MED25: variants seen among roughly 807,000 people sequenced by gnomAD.
MED25 encodes the protein mediator of RNA polymerase II transcription subunit 25.
MED25 carries 62 observed loss-of-function variants against 89.4 expected under a neutral mutation model. The ratio of observed to expected loss-of-function variants is 0.69; its 90% CI spans 0.57 to 0.86. The LOEUF is 0.86. MED25 is among the 40% of genes least tolerant of loss of function. The pLI, the probability that MED25 is intolerant of heterozygous loss-of-function variation, is 0.00. For missense variants in MED25, 905 were observed against 1,005.2 expected, an observed-to-expected ratio of 0.90 and a Z score of 1.35; for synonymous variants, 449 against 427.9, an observed-to-expected ratio of 1.05 and a Z score of -0.61.
chr19:49,819,020 G>A (rs2073962044), intron 2 of MED25, 152 bp from the exon 3 acceptor site: 20 of 977,058 alleles, frequency 2.0e-5, no homozygotes, highest in Non-Finnish European at 1.4e-5. Context: ...TGAGGGAGAA[G>A]GGGCTGGGGC....
intron 3 of MED25, among the ~76,000 whole-genome samples, chr19:49,824,539 T>C (rs973138538): frequency 6.0e-5 from 9 of 149,788 alleles, no homozygotes; most frequent in Non-Finnish European, 5.9e-5. Flanking sequence ...GAGCCGAGAT[T>C]GTGCCACCGC....
At chr19:49,819,132 T>C in intron 2 of MED25, 40 bp from the exon 3 acceptor site, 1 of 1,613,314 alleles carries the variant, frequency 6.2e-7, no homozygotes, top group Non-Finnish European at 8.5e-7. Flanking sequence ...AAAAGGGAAT[T>C]GAGGTCCCAG....
rs545524810 is a variant in MED25 at position 49,818,370 on chromosome 19, G to T, written c.29G>T (p.Arg10Leu). The T allele has an allele frequency of 7.5e-6, 12 of 1,608,478 alleles. No individual in the cohort carries two copies. The highest frequency in any genetic ancestry group is 1.7e-4 in the Middle Eastern group (1 of 6,020). ...GTCCCCGGGTCCGAGGGCCCGGCCC[G>T]CGCCGGGAGCGTGGTGGCCGACGTG... Reference protein sequence around the residue: MVPGSEGPARAGSVVADVVF... With the variant: MVPGSEGPALAGSVVADVVF... Residue 10 changes from arginine to leucine, a missense_variant, in exon 1 of 18, where the codon CGC (arginine) becomes CTC (leucine). By Grantham distance (102) the Arg-to-Leu change is moderately radical. Around this residue, in one of 3 missense-constraint regions of MED25, gnomAD observed 501 missense variants for 526.9 expected, o/e 0.95. Transcript: ENST00000312865.
chr19:49,831,416 C>A lies in MED25; in HGVS notation c.1185C>A (p.Val395=). Residue 395 remains valine (V), a synonymous_variant, in exon 10 of 18, where the codon GTC becomes GTA. Transcript: ENST00000312865. This position sits in a 1 kb window ranked among gnomAD's most constrained non-coding sequence, Gnocchi z 5.0. ...CAGCCCTCGGTGGGCAGCAGTCAGT[C>A]TCCAATAAGCTTCTGGCCTGGAGCG... ...GAPALGGQQS[V]SNKLLAWSGV... 6.2e-7 allele frequency: 1 copy of A among 1,611,956 alleles called. No homozygotes were observed. The highest frequency in any genetic ancestry group is 8.5e-7 in the Non-Finnish European group (1 of 1,179,214).
chr19:49,840,031 GT>G, downstream of MED25: 1 of 152,360 alleles, frequency 6.6e-6, no homozygotes, highest in East Asian at 1.9e-4. Flanking sequence ...GAATATCTGT[GT>G]TTGGGAGTAC....
downstream of MED25, chr19:49,837,072 C>A: frequency 1.2e-6 from 1 of 801,136 alleles, no homozygotes; most frequent in Non-Finnish European, 2.1e-6. Context: ...AGCAGACATC[C>A]CTGGGGCCCT....
At position 49,821,808 on chromosome 19, in the gene MED25, T is replaced by C. The variant is rs1174357326; in HGVS notation, c.305+2512T>C. On this transcript the variant is annotated intron_variant, in intron 3 of 17. Transcript: ENST00000312865. Reference sequence around the variant, plus strand: ...TCCAGCCTGGGCAACAAGAGTGAAATTCTGTCTCAAAAAAAAAAAAAAAAA... The same window carrying C: ...TCCAGCCTGGGCAACAAGAGTGAAACTCTGTCTCAAAAAAAAAAAAAAAAA... Among the ~76,000 whole-genome samples, 714 of 135,474 alleles carry C rather than the reference T, an allele frequency of 5.3e-3. 6 individuals carry two copies. Among genetic ancestry groups the C allele is most frequent in the African/African-American group, 0.019 (656 of 34,950 alleles). The allele number at this position is 135,474 out of a possible 152,430, so 88.9% of individuals were successfully genotyped here.
intron 3 of MED25, among the ~76,000 whole-genome samples, chr19:49,826,185 A>T (rs776737314): frequency 1.3e-5 from 2 of 151,886 alleles, no homozygotes; most frequent in African/African-American, 4.8e-5. Flanking sequence ...CTTAAAAATT[A>T]AAAAAATTAG....
intron 3 of MED25, among the ~76,000 whole-genome samples, chr19:49,826,031 G>T (rs2074013000): frequency 6.6e-6 from 1 of 152,032 alleles, no homozygotes; most frequent in Non-Finnish European, 1.5e-5. Context: ...GCACACAGTT[G>T]AAGTTTCTGC....
At chr19:49,818,968 G>T in intron 2 of MED25, 1 of 653,558 alleles carries the variant, frequency 1.5e-6, no homozygotes, top group Non-Finnish European at 2.7e-6. Context: ...CTGGGCTCCT[G>T]GGTCTGAGGG....
chr19:49,818,672 G>T (rs564119274), intron 2 of MED25, 56 bp downstream of exon 2: 1 of 1,526,564 alleles, frequency 6.6e-7, no homozygotes, highest in African/African-American at 1.4e-5. Flanking sequence ...CTGGACTCCT[G>T]GGTCTGAGGG....
Position 49,830,209 on chromosome 19 carries a change from G to T in MED25, c.810G>T (p.Pro270=), listed in dbSNP as rs369512125. 6.2e-7 allele frequency: 1 copy of T among 1,605,102 alleles called. No individual in the cohort carries two copies. The highest frequency in any genetic ancestry group is 8.5e-7 in the Non-Finnish European group (1 of 1,175,068). Residue 270 remains proline, a synonymous_variant, in exon 7 of 18, where the codon CCG becomes CCT. Transcript: ENST00000312865. The surrounding 1 kb of genome is among the most constrained non-coding windows in gnomAD (Gnocchi z 4.6). ...APQQPLPPVP[P]QYQVPGNLSA... is the part of the protein sequence containing the mutation. ...AGCAGCCTCTGCCCCCCGTCCCCCC[G>T]CAGTACCAGGTATGGATATTTCCGG...
At chr19:49,837,183 G>A (rs1376024019), downstream of MED25, among the ~76,000 whole-genome samples, 1 of 152,224 alleles carries the variant, frequency 6.6e-6, no homozygotes, top group Admixed American at 6.5e-5. Flanking sequence ...CAGGACTCAA[G>A]CTCTCATGGA....
intron 3 of MED25, among the ~76,000 whole-genome samples, chr19:49,822,640 C>CTTTTTTTTTTTTT (rs536060694): frequency 2.9e-5 from 2 of 68,244 alleles, no homozygotes; most frequent in Non-Finnish European, 5.0e-5. Context: ...CTGTTACATT[C>CTTTTTTTTTTTTT]TTTTTTTTTT....
chr19:49,829,101 C>T lies in MED25; in HGVS notation c.525+11C>T, dbSNP rs372375681. 30 of 1,612,264 alleles carry T rather than the reference C, an allele frequency of 1.9e-5. No homozygotes were observed. Among genetic ancestry groups the T allele is most frequent in the Middle Eastern group, 1.6e-4 (1 of 6,078 alleles). ...CAGCAGATTGGGGAGGTGAGGACTC[C>T]AGGGTCTGAGGGACGAGGGTCTGGG... On this transcript the variant is annotated intron_variant, in intron 5 of 17. Transcript: ENST00000312865. The surrounding 1 kb of genome is among the most constrained non-coding windows in gnomAD (Gnocchi z 4.6).
At chr19:49,840,065 T>G (rs887003632), downstream of MED25, 1 of 152,204 alleles carries the variant, frequency 6.6e-6, no homozygotes, top group African/African-American at 2.4e-5. Context: ...ACAGCTGTTT[T>G]CCGTTACGAA....
Position 49,835,002 on chromosome 19 carries a change from TC to T in MED25, c.1504del (p.His502ThrfsTer95), listed in dbSNP as rs2123886765. The T allele has an allele frequency of 6.2e-7, 1 of 1,613,906 alleles. No individual in the cohort carries two copies. Among genetic ancestry groups the T allele is most frequent in the Non-Finnish European group, 8.5e-7 (1 of 1,179,968 alleles). On this transcript the variant is annotated frameshift_variant, in exon 14 of 18. Coordinates refer to ENST00000312865, the MANE Select transcript of MED25 (RefSeq NM_030973.4). LOFTEE classifies it high-confidence loss of function. The surrounding 1 kb of genome is among the most constrained non-coding windows in gnomAD (Gnocchi z 6.2). Reference sequence around the variant, plus strand: ...TCCACCCAGGCGGGCTGCGTGCACTTCCCCCACACGGCGCCCTGTGAGGTGC... The same window carrying T: ...TCCACCCAGGCGGGCTGCGTGCACTTCCCCACACGGCGCCCTGTGAGGTGC... ...MGNGFAGCVH[F>X]PHTAPCEVRV...
chr19:49,835,935 A>T lies in MED25; in HGVS notation c.1955A>T (p.Asn652Ile). 6.2e-7 allele frequency: 1 copy of T among 1,611,914 alleles called. No individual in the cohort carries two copies. Residue 652 changes from asparagine to isoleucine, a missense_variant, in exon 16 of 18, where the codon AAC becomes ATC. Physicochemically the swap from Asn to Ile is moderately radical, Grantham distance 149. Around this residue, in one of 3 missense-constraint regions of MED25, gnomAD observed 271 missense variants for 258.1 expected, o/e 1.05. Coordinates refer to ENST00000312865, the MANE Select transcript of MED25 (RefSeq NM_030973.4). The surrounding 1 kb of genome is among the most constrained non-coding windows in gnomAD (Gnocchi z 6.2). ...CCTCAGCTGCGAAGCCTCCTCCTCA[A>T]CCCACCACCGGTGAGATGTTGGGGT... is the stretch of plus-strand genomic sequence containing the variant. ...ANPQLRSLLL[N>I]PPPPQTGVPP...
intron 3 of MED25, 161 bp downstream of exon 3, chr19:49,819,457 G>A (rs756801462): frequency 1.3e-6 from 1 of 756,276 alleles, no homozygotes; most frequent in Non-Finnish European, 2.2e-6. Context: ...AATGGCTTGG[G>A]GTGGTTGGGG....
Sources: gnomAD v4.1 joint callset for allele counts (sites outside exome capture counted in the v4.1 genomes callset) on GRCh38, gnomAD v4.1.1 for gene constraint, gnomAD v4.1.1 regional missense constraint, Gnocchi (gnomAD v3.1) non-coding constraint, MANE v1.5 for transcripts, NCBI Gene and HGNC (gene_info 2026-07-23, HGNC 2026-07-21) for gene names.